Variants in CCNB1IP1 observed in about 807,000 individuals in gnomAD.
CCNB1IP1 encodes cyclin B1 interacting protein 1.
In CCNB1IP1, 14 loss-of-function variants were observed where a neutral mutation model predicts 25.6. The ratio of observed to expected loss-of-function variants is 0.55; its 90% CI spans 0.36 to 0.85. The LOEUF (loss-of-function observed/expected upper bound fraction) is 0.85. Ranked by LOEUF, CCNB1IP1 falls within the 40% of genes least tolerant of loss-of-function variation. The pLI is 0.01. For synonymous variants in CCNB1IP1, 119 were observed against 116.1 expected, an observed-to-expected ratio of 1.02 and a Z score of -0.16; for missense variants, 278 against 342.4, an observed-to-expected ratio of 0.81 and a Z score of 1.48.
rs1042238780 is a variant in CCNB1IP1, at chr14:20,325,352, C to T, written c.-38+187G>A. On this transcript the variant is annotated intron_variant, in intron 4 of 6. Transcript: ENST00000358932. ...AGGAGAATGGCGTGAACCCGGGAGG[C>T]GGAGCTTGCAGTGAGCCGAGATCCC... 1.1e-3 allele frequency among the ~76,000 whole-genome samples: 168 copies of T among 147,874 alleles called. 1 individual carries two copies. Among genetic ancestry groups the T allele is most frequent in the African/African-American group, 3.4e-3 (135 of 39,856 alleles).
intron 1 of CCNB1IP1, among the ~76,000 whole-genome samples, chr14:20,331,947 T>C (rs1883245852): frequency 1.4e-5 from 2 of 146,020 alleles, no homozygotes; most frequent in Non-Finnish European, 3.0e-5. Flanking sequence ...ATCTTTTGAA[T>C]TTTGAACCAT....
intron 1 of CCNB1IP1, among the ~76,000 whole-genome samples, chr14:20,331,921 GA>G (rs1182993666): frequency 2.2e-5 from 3 of 133,806 alleles, no homozygotes; most frequent in African/African-American, 8.2e-5. Flanking sequence ...TAGGGAAGGG[GA>G]TAAGAAACTT....
At chr14:20,317,612 G>C (rs564207934) in intron 4 of CCNB1IP1, 2 of 152,318 alleles carry the variant, frequency 1.3e-5, no homozygotes, top group East Asian at 3.9e-4. Flanking sequence ...CCTCTCTCAC[G>C]CAGCAGAGGC....
chr14:20,326,780 A>G lies in CCNB1IP1; in HGVS notation c.-217T>C. 1 of 268,362 alleles carries G rather than the reference A, an allele frequency of 3.7e-6. No homozygotes were observed. Among genetic ancestry groups the G allele is most frequent in the South Asian group, 3.6e-5 (1 of 27,474 alleles). 16.6% of individuals were successfully genotyped at this position (268,362 alleles called of 1,614,324 possible). On this transcript the variant is annotated 5_prime_UTR_variant, in exon 3 of 7. Coordinates refer to ENST00000358932, the MANE Select transcript of CCNB1IP1 (RefSeq NM_021178.5). ...AGTTGAACCACAGGATCTATCAATT[A>G]TCTAGGATCATTTCTGGAAAATTTA...
intron 4 of CCNB1IP1, chr14:20,323,216 G>A (rs1461784753): frequency 1.3e-5 from 2 of 152,012 alleles, no homozygotes; most frequent in Non-Finnish European, 2.9e-5. Context: ...GGCACTAACG[G>A]ACAGCCAGCC....
chr14:20,315,723 C>T, intron 5 of CCNB1IP1: 1 of 1,184,466 alleles, frequency 8.4e-7, no homozygotes, highest in Non-Finnish European at 1.1e-6. Flanking sequence ...TACAATATAA[C>T]CATTAAAATA....
At chr14:20,319,458 C>T (rs1194007430) in intron 4 of CCNB1IP1, among the ~76,000 whole-genome samples, 2 of 152,074 alleles carry the variant, frequency 1.3e-5, no homozygotes, top group Non-Finnish European at 2.9e-5. Flanking sequence ...AATATTAATA[C>T]AAAAAATAGT....
chr14:20,322,107 A>G (rs573393587), intron 4 of CCNB1IP1, among the ~76,000 whole-genome samples: 2 of 152,346 alleles, frequency 1.3e-5, no homozygotes, highest in South Asian at 2.1e-4. Context: ...AAATACCAGT[A>G]AGGTTTTATG....
At chr14:20,315,491 A>G in intron 5 of CCNB1IP1, 1 of 1,128,708 alleles carries the variant, frequency 8.9e-7, no homozygotes, top group South Asian at 2.0e-5. Flanking sequence ...TTACCCAGAA[A>G]AATATAATAA....
chr14:20,317,403 GAA>G (rs545237454), intron 4 of CCNB1IP1, among the ~76,000 whole-genome samples: 3 of 146,114 alleles, frequency 2.1e-5, no homozygotes, highest in African/African-American at 7.5e-5. Flanking sequence ...GTCCCAGAAG[GAA>G]AAAAAAAAAA....
At position 20,311,509 on chromosome 14, in the gene CCNB1IP1, C is replaced by G. The variant is rs1403538908; in HGVS notation, c.*41G>C. On this transcript the variant is annotated 3_prime_UTR_variant, in exon 7 of 7. Transcript: ENST00000358932. ...AAGTGATCCTCCCAGCCTCAACCTC[C>G]TAAGTAGCTGGGATCACAGGTGCGT... 1 of 1,561,154 alleles carries G rather than the reference C, an allele frequency of 6.4e-7. No homozygotes were observed. The highest frequency in any genetic ancestry group is 1.1e-5 in the South Asian group (1 of 89,778).
At chr14:20,316,603 A>G in intron 4 of CCNB1IP1, 43 bp from the exon 5 acceptor site, 1 of 1,144,322 alleles carries the variant, frequency 8.7e-7, no homozygotes. Flanking sequence ...TTAAATTGCA[A>G]TGAAAATAAA....
chr14:20,323,903 G>T (rs1490766087), intron 4 of CCNB1IP1, among the ~76,000 whole-genome samples: 1 of 129,962 alleles, frequency 7.7e-6, no homozygotes, highest in Non-Finnish European at 1.6e-5. Flanking sequence ...GGGCGACAGA[G>T]CGAGACTCCG....
intron 4 of CCNB1IP1, among the ~76,000 whole-genome samples, chr14:20,320,771 C>T (rs1412497325): frequency 1.0e-4 from 15 of 146,750 alleles, no homozygotes; most frequent in Non-Finnish European, 5.9e-5. Flanking sequence ...CACCACCGCA[C>T]TCCAGTCTGG....
rs141354204 is a variant in CCNB1IP1, at chr14:20,317,929, A to G, written c.-37-1369T>C. 3 of 152,354 alleles carry G rather than the reference A, an allele frequency of 2.0e-5. No homozygotes were observed. In the East Asian group the frequency reaches 5.8e-4, roughly 29 times the overall value. 9.4% of individuals were successfully genotyped at this position (152,354 alleles called of 1,614,324 possible). A position where few individuals can be genotyped will look rare whatever the true frequency, so the allele number is the denominator to read the frequency against. On this transcript the variant is annotated intron_variant, in intron 4 of 6. Coordinates refer to ENST00000358932, the MANE Select transcript of CCNB1IP1 (RefSeq NM_021178.5). ...CGCATGCGTGGGGTTGCCCCGAAGCATCCTGGGACCTGCCAGGCTGAGGGA... is the reference window on the plus strand; with the variant it reads ...CGCATGCGTGGGGTTGCCCCGAAGCGTCCTGGGACCTGCCAGGCTGAGGGA...
intron 5 of CCNB1IP1, 30 bp from the exon 6 acceptor site, chr14:20,313,831 G>A (rs761690401): frequency 1.4e-6 from 2 of 1,474,966 alleles, no homozygotes; most frequent in Admixed American, 4.5e-5. Flanking sequence ...GATTTTTAAG[G>A]TATTGGGTAC....
chr14:20,315,189 C>T (rs1447320902), intron 5 of CCNB1IP1, among the ~76,000 whole-genome samples: 1 of 129,482 alleles, frequency 7.7e-6, no homozygotes, highest in Non-Finnish European at 1.6e-5. Flanking sequence ...TGAAAAGATG[C>T]TCCACATCAT....
Position 20,326,128 on chromosome 14 carries a change from T to C in CCNB1IP1, c.-152-475A>G, listed in dbSNP as rs73583488. On this transcript the variant is annotated intron_variant, in intron 3 of 6. Transcript: ENST00000358932. ...AAAATTGATTTAACCAACTCTGTGT[T>C]TCCTTTAATCTACATGTATAGATTG... 5.8e-3 allele frequency among the ~76,000 whole-genome samples: 881 copies of C among 152,320 alleles called. 11 individuals are homozygous for C. The highest frequency in any genetic ancestry group is 0.02 in the African/African-American group (849 of 41,560).
In CCNB1IP1 at chr14:20,315,456, T is replaced by C. The variant is rs920841618; in HGVS notation, c.297+771A>G. The stretch of plus-strand genomic sequence containing the variant: ...GTATTTAACCAAAGGAGTTGAAAAA[T>C]AGAGGAGCATGTAAGAGAAACAACT... On this transcript the variant is annotated intron_variant, in intron 5 of 6. Transcript: ENST00000358932. The C allele has an allele frequency of 5.6e-5, 61 of 1,080,834 alleles. No homozygotes were observed. The South Asian group carries it at 1.2e-3, about 22-fold the overall frequency. The allele number at this position is 1,080,834 out of a possible 1,614,324, so 67.0% of individuals were successfully genotyped here. A position where few individuals can be genotyped will look rare whatever the true frequency, so the allele number is the denominator to read the frequency against.
Sources: gnomAD v4.1 joint callset for allele counts (sites outside exome capture counted in the v4.1 genomes callset) on GRCh38, gnomAD v4.1.1 for gene constraint, MANE v1.5 for transcripts, NCBI Gene and HGNC (gene_info 2026-07-23, HGNC 2026-07-21) for gene names.